CYB5B: variants seen among roughly 807,000 people sequenced by gnomAD.
The protein encoded by CYB5B is cytochrome b5 type B, also known as cytochrome b5 type B (outer mitochondrial membrane).
Under a neutral mutation model 21.3 loss-of-function variants are expected in CYB5B, and 14 were observed. That is an observed-to-expected ratio of 0.66 (90% CI 0.43 to 1.03). The LOEUF is 1.03. Ranked by LOEUF, CYB5B falls within the 50% of genes least tolerant of loss-of-function variation. The pLI, the probability that CYB5B is intolerant of heterozygous loss-of-function variation, is 0.00. For missense variants in CYB5B, 166 were observed against 185.1 expected, an observed-to-expected ratio of 0.90 and a Z score of 0.60; for synonymous variants, 69 against 68.4, an observed-to-expected ratio of 1.01 and a Z score of -0.04.
Position 69,454,027 on chromosome 16 carries a change from A to G in CYB5B, c.334-5066A>G, listed in dbSNP as rs562257007. Among the ~76,000 whole-genome samples the G allele has an allele frequency of 2.6e-5, 4 of 152,344 alleles. No individual in the cohort carries two copies. In the East Asian group the frequency reaches 7.7e-4, roughly 29 times the overall value. On this transcript the variant is annotated intron_variant, in intron 3 of 4. Coordinates refer to ENST00000307892, the MANE Select transcript of CYB5B (RefSeq NM_030579.3). The stretch of plus-strand genomic sequence containing the variant: ...GTAAAGCTCTACTTAGAAATGATGT[A>G]TAGTTTTGCAAAACAGGGTTCAGAA...
At position 69,455,423 on chromosome 16, in the gene CYB5B, G is replaced by C. The variant is rs886812123; in HGVS notation, c.334-3670G>C. Among the ~76,000 whole-genome samples the C allele has an allele frequency of 4.9e-5, 7 of 143,688 alleles. No individual in the cohort carries two copies. In the South Asian group the frequency reaches 6.7e-4, roughly 14 times the overall value. The allele number at this position is 143,688 out of a possible 152,430, so 94.3% of individuals were successfully genotyped here. ...CTCTTTTTTTTTTTTTTTTTTTGGT[G>C]GGGGGACGAAATCTCACTCTTGTCA... On this transcript the variant is annotated intron_variant, in intron 3 of 4. Transcript: ENST00000307892.
rs189069768 is a variant in CYB5B, at chr16:69,463,854, G to A, written c.*1334G>A. 10 of 152,146 alleles carry A rather than the reference G, an allele frequency of 6.6e-5. No homozygotes were observed. The highest frequency in any genetic ancestry group is 2.2e-4 in the African/African-American group (9 of 41,496). The allele number at this position is 152,146 out of a possible 1,614,324, so 9.4% of individuals were successfully genotyped here. A position where few individuals can be genotyped will look rare whatever the true frequency, so the allele number is the denominator to read the frequency against. On this transcript the variant is annotated 3_prime_UTR_variant, in exon 5 of 5. Transcript: ENST00000307892. Reference sequence around the variant, plus strand: ...TAGGTTACTAGAATTATGTTACTGTGTCTTATTGGTTCAATGATGATTTCT... The same window carrying A: ...TAGGTTACTAGAATTATGTTACTGTATCTTATTGGTTCAATGATGATTTCT...
chr16:69,452,025 A>T (rs1567474483), intron 3 of CYB5B, among the ~76,000 whole-genome samples: 1 of 151,046 alleles, frequency 6.6e-6, no homozygotes, highest in African/African-American at 2.4e-5. Flanking sequence ...ACCAGCCATC[A>T]TTTTTTTGTT....
At chr16:69,451,436 A>G (rs1488328644) in intron 3 of CYB5B, among the ~76,000 whole-genome samples, 1 of 152,162 alleles carries the variant, frequency 6.6e-6, no homozygotes, top group Non-Finnish European at 1.5e-5. Context: ...AGTTCAAGAG[A>G]TAAAGTGCAT....
intron 1 of CYB5B, among the ~76,000 whole-genome samples, chr16:69,427,302 T>A (rs557231397): frequency 6.6e-6 from 1 of 152,282 alleles, no homozygotes; most frequent in East Asian, 1.9e-4. Context: ...TTTTCTTGAT[T>A]GATTCAGAAT....
intron 3 of CYB5B, among the ~76,000 whole-genome samples, chr16:69,452,997 CA>C (rs71385608): frequency 1.4e-3 from 193 of 133,180 alleles, no homozygotes; most frequent in African/African-American, 2.2e-3. Flanking sequence ...GACTCTGTCT[CA>C]AAAAAAAAAA....
intron 3 of CYB5B, among the ~76,000 whole-genome samples, chr16:69,457,366 T>C (rs1232508615): frequency 6.6e-6 from 1 of 152,218 alleles, no homozygotes; most frequent in African/African-American, 2.4e-5. Context: ...TATATTATGC[T>C]GTGATGCTCT....
chr16:69,457,956 A>G (rs761581226), intron 3 of CYB5B, among the ~76,000 whole-genome samples: 2 of 152,144 alleles, frequency 1.3e-5, no homozygotes, highest in African/African-American at 2.4e-5. Flanking sequence ...CTAATATTCC[A>G]TGTTCATACC....
chr16:69,426,132 G>T (rs1357578124), intron 1 of CYB5B, among the ~76,000 whole-genome samples: 1 of 152,186 alleles, frequency 6.6e-6, no homozygotes, highest in Non-Finnish European at 1.5e-5. Flanking sequence ...GGGCGCGGTG[G>T]CTCACGCCTG....
At chr16:69,430,489 G>T (rs892176324) in intron 1 of CYB5B, among the ~76,000 whole-genome samples, 2 of 151,902 alleles carry the variant, frequency 1.3e-5, no homozygotes, top group Non-Finnish European at 2.9e-5. Flanking sequence ...CAAAATGTTG[G>T]GATTACAGGC....
intron 1 of CYB5B, among the ~76,000 whole-genome samples, chr16:69,426,326 G>C (rs1349679802): frequency 6.6e-6 from 1 of 151,216 alleles, no homozygotes; most frequent in African/African-American, 2.4e-5. Flanking sequence ...GTGAACCCGG[G>C]AGGTGGCACT....
At position 69,448,129 on chromosome 16, in the gene CYB5B, T is replaced by C; in HGVS notation, c.318T>C (p.Pro106=). 1 of 1,612,866 alleles carries C rather than the reference T, an allele frequency of 6.2e-7. No individual in the cohort carries two copies. Among genetic ancestry groups the C allele is most frequent in the Non-Finnish European group, 8.5e-7 (1 of 1,179,720 alleles). The change falls in exon 3 of 5, where the codon CCT becomes CCC. Residue 106 remains proline (P), a synonymous_variant. Transcript: ENST00000307892. The part of the protein sequence containing the change: ...IGDIHPSDLK[P]ESGSKDPSKN... ...TTTTTTGACAGAGTGACCTTAAACCTGAAAGTGGTAGCAAGGTAAGAAGTC... is the reference window on the plus strand; with the variant it reads ...TTTTTTGACAGAGTGACCTTAAACCCGAAAGTGGTAGCAAGGTAAGAAGTC...
chr16:69,449,367 G>C (rs937527895), intron 3 of CYB5B: 1 of 152,112 alleles, frequency 6.6e-6, no homozygotes, highest in African/African-American at 2.4e-5. Context: ...GGTAAAATTT[G>C]AACGAAGCGT....
At chr16:69,457,602 A>G (rs2142827265) in intron 3 of CYB5B, among the ~76,000 whole-genome samples, 2 of 152,322 alleles carry the variant, frequency 1.3e-5, no homozygotes, top group Admixed American at 1.3e-4. Flanking sequence ...CCGAATCTGT[A>G]GATAGTAACA....
intron 1 of CYB5B, among the ~76,000 whole-genome samples, chr16:69,435,927 T>C (rs1287494062): frequency 6.6e-6 from 1 of 152,186 alleles, no homozygotes; most frequent in African/African-American, 2.4e-5. Context: ...AGCGAGCCAC[T>C]GTGCCTGGCC....
At chr16:69,438,016 A>C (rs1437890885) in intron 1 of CYB5B, among the ~76,000 whole-genome samples, 2 of 152,158 alleles carry the variant, frequency 1.3e-5, no homozygotes, top group Admixed American at 1.3e-4. Flanking sequence ...CTATCTCCAG[A>C]ATTTTTCATT....
chr16:69,424,635 C>T lies in CYB5B; in HGVS notation c.-49C>T. On this transcript the variant is annotated 5_prime_UTR_variant, in exon 1 of 5. Transcript: ENST00000307892. ...GAAGCCGAGGAAGGCTGAGCGCGGG[C>T]TCTCAAGGAAAGTAGTCGCGGAATC... 3 of 1,492,774 alleles carry T rather than the reference C, an allele frequency of 2.0e-6. No individual in the cohort carries two copies. The highest frequency in any genetic ancestry group is 2.7e-6 in the Non-Finnish European group (3 of 1,117,706). The allele number at this position is 1,492,774 out of a possible 1,614,324, so 92.5% of individuals were successfully genotyped here. A position where few individuals can be genotyped will look rare whatever the true frequency, so the allele number is the denominator to read the frequency against.
intron 1 of CYB5B, among the ~76,000 whole-genome samples, chr16:69,432,134 A>G (rs1463788517): frequency 6.6e-6 from 1 of 152,236 alleles, no homozygotes; most frequent in Non-Finnish European, 1.5e-5. Context: ...GGCGGGACCC[A>G]GGACATGCAA....
At chr16:69,453,011 A>AG (rs2142824445) in intron 3 of CYB5B, among the ~76,000 whole-genome samples, 1 of 152,022 alleles carries the variant, frequency 6.6e-6, no homozygotes, top group South Asian at 2.1e-4. Context: ...AAAAAAAAAA[A>AG]GATCTTTCTC....
Sources: gnomAD v4.1 joint callset for allele counts (sites outside exome capture counted in the v4.1 genomes callset) on GRCh38, gnomAD v4.1.1 for gene constraint, MANE v1.5 for transcripts, NCBI Gene and HGNC (gene_info 2026-07-23, HGNC 2026-07-21) for gene names.